Variants in GFRA2 observed in about 807,000 individuals in gnomAD.
The protein encoded by GFRA2 is GDNF family receptor alpha 2.
In GFRA2, 17 loss-of-function variants were observed where a neutral mutation model predicts 48.3. The ratio of observed to expected loss-of-function variants is 0.35; its 90% CI spans 0.24 to 0.53. The LOEUF (loss-of-function observed/expected upper bound fraction) is 0.53, where lower values mean the gene tolerates loss of function less well. Ranked by LOEUF, GFRA2 falls within the 20% of genes least tolerant of loss-of-function variation. GFRA2 has a pLI of 0.93. For synonymous variants in GFRA2, 305 were observed against 257.2 expected, an observed-to-expected ratio of 1.19 and a Z score of -1.78; for missense variants, 660 against 637.3, an observed-to-expected ratio of 1.04 and a Z score of -0.38.
intron 4 of GFRA2, among the ~76,000 whole-genome samples, chr8:21,717,395 G>T (rs1803385814): frequency 6.6e-6 from 1 of 152,162 alleles, no homozygotes; most frequent in Admixed American, 6.5e-5. Context: ...AAAAGCAGGA[G>T]ACAATAGAGT....
intron 7 of GFRA2, among the ~76,000 whole-genome samples, chr8:21,697,927 T>C (rs1211062974): frequency 2.0e-5 from 3 of 152,204 alleles, no homozygotes; most frequent in East Asian, 1.9e-4. Context: ...TCCCCGGCCA[T>C]GTGGAACTGT....
chr8:21,760,207 A>T (rs2117641095), intron 3 of GFRA2, among the ~76,000 whole-genome samples: 1 of 152,332 alleles, frequency 6.6e-6, no homozygotes, highest in Non-Finnish European at 1.5e-5. Context: ...TTCAGATTTT[A>T]TTCTAAAATG....
rs28552426 is a variant in GFRA2 at position 21,750,366 on chromosome 8, G to A, written c.794+222C>T. 6.6e-6 allele frequency among the ~76,000 whole-genome samples: 1 copy of A among 152,318 alleles called. No individual in the cohort carries two copies. Among genetic ancestry groups the A allele is most frequent in the Admixed American group, 6.5e-5 (1 of 15,308 alleles). ...ATAAACCTGTTCTGAGTGAATGAATGAACAAATGAATGAATAAAGAAGTAG... is the reference window on the plus strand; with the variant it reads ...ATAAACCTGTTCTGAGTGAATGAATAAACAAATGAATGAATAAAGAAGTAG... On this transcript the variant is annotated intron_variant, in intron 4 of 8. Transcript: ENST00000524240. This position sits in a 1 kb window ranked among gnomAD's most constrained non-coding sequence, Gnocchi z 5.7.
intron 3 of GFRA2, among the ~76,000 whole-genome samples, chr8:21,771,881 G>C (rs1336723017): frequency 3.3e-5 from 5 of 152,092 alleles, no homozygotes; most frequent in Admixed American, 3.3e-4. Context: ...AGTTGGGTGG[G>C]GAGGGGCTTC....
At chr8:21,694,837 G>A (rs1425593594) in intron 7 of GFRA2, among the ~76,000 whole-genome samples, 2 of 152,216 alleles carry the variant, frequency 1.3e-5, no homozygotes, top group Non-Finnish European at 1.5e-5. Context: ...CAGGGACCAT[G>A]TCTTCTTTTC....
At chr8:21,712,345 G>T (rs1161617707) in intron 4 of GFRA2, among the ~76,000 whole-genome samples, 5 of 152,006 alleles carry the variant, frequency 3.3e-5, no homozygotes, top group Non-Finnish European at 5.9e-5. Flanking sequence ...CGGCCGGGCA[G>T]AGGCGCTCCT....
At position 21,693,336 on chromosome 8, in the gene GFRA2, G is replaced by A; in HGVS notation, c.1337C>T (p.Ala446Val). 6.2e-7 allele frequency: 1 copy of A among 1,613,526 alleles called. No homozygotes were observed. The highest frequency in any genetic ancestry group is 1.1e-5 in the South Asian group (1 of 90,986). ...VIKPNSGPSR[A>V]RPSAALTVLS... is the part of the protein sequence containing the mutation. ...CACGGTCAAGGCAGCCGACGGTCTG[G>A]CTCTGCTGGGGCCTGAGTTAGGTTT... is the stretch of plus-strand genomic sequence containing the variant. Residue 446 changes from alanine to valine, a missense_variant, in exon 9 of 9, where the codon GCC becomes GTC. Physicochemically the swap from Ala to Val is moderately conservative, Grantham distance 64 (BLOSUM62 0). Coordinates refer to ENST00000524240, the MANE Select transcript of GFRA2 (RefSeq NM_001495.5).
chr8:21,803,496 T>C (rs1807807053), intron 2 of GFRA2, among the ~76,000 whole-genome samples: 1 of 152,300 alleles, frequency 6.6e-6, no homozygotes, highest in African/African-American at 2.4e-5. Flanking sequence ...AGCCAAGCAA[T>C]TCCTGGGCTA....
chr8:21,694,069 A>G (rs1802025789), intron 8 of GFRA2, among the ~76,000 whole-genome samples: 2 of 111,042 alleles, frequency 1.8e-5, no homozygotes, highest in African/African-American at 7.9e-5. Flanking sequence ...ATATATATTT[A>G]TTTATTTTTA....
chr8:21,734,062 G>T (rs1804333100), intron 4 of GFRA2, among the ~76,000 whole-genome samples: 1 of 152,160 alleles, frequency 6.6e-6, no homozygotes, highest in Non-Finnish European at 1.5e-5. Flanking sequence ...TGAACTGGGG[G>T]CCTCCACCGA....
chr8:21,737,105 G>A (rs1008226511), intron 4 of GFRA2, among the ~76,000 whole-genome samples: 1 of 152,218 alleles, frequency 6.6e-6, no homozygotes, highest in South Asian at 2.1e-4. Flanking sequence ...CTGAGAGTGG[G>A]GAACTCATTA....
intron 4 of GFRA2, among the ~76,000 whole-genome samples, chr8:21,733,604 G>T (rs1804306058): frequency 6.6e-6 from 1 of 152,176 alleles, no homozygotes; most frequent in Admixed American, 6.5e-5. Context: ...TAGGACCCGT[G>T]GCTGAGCCCG....
chr8:21,730,664 AAC>A (rs752767579), intron 4 of GFRA2, among the ~76,000 whole-genome samples: 1 of 152,084 alleles, frequency 6.6e-6, no homozygotes, highest in East Asian at 1.9e-4. Context: ...TACACTCAGA[AAC>A]ACACACAGTC....
intron 4 of GFRA2, among the ~76,000 whole-genome samples, chr8:21,723,556 C>A (rs1045165200): frequency 2.6e-5 from 4 of 152,168 alleles, no homozygotes; most frequent in African/African-American, 9.7e-5. Context: ...TGAACAGAAG[C>A]CTTGCCAGGC....
At chr8:21,769,251 C>T (rs1806327779) in intron 3 of GFRA2, 1 of 785,378 alleles carries the variant, frequency 1.3e-6, no homozygotes, top group African/African-American at 2.0e-5. Context: ...AGCCCCGCCC[C>T]AGCCCCGCCC....
chr8:21,703,349 C>T (rs983873191), intron 6 of GFRA2, among the ~76,000 whole-genome samples: 1 of 152,040 alleles, frequency 6.6e-6, no homozygotes, highest in Non-Finnish European at 1.5e-5. Flanking sequence ...AGCTCCTCAC[C>T]CCCAGCTCCC....
chr8:21,740,204 A>C (rs1265508545), intron 4 of GFRA2, among the ~76,000 whole-genome samples: 3 of 151,862 alleles, frequency 2.0e-5, no homozygotes, highest in African/African-American at 7.3e-5. Flanking sequence ...GCCTTCCTCG[A>C]CCTCACTCCA....
In GFRA2 at chr8:21,750,723, A is replaced by T; in HGVS notation, c.659T>A (p.Leu220His). Residue 220 changes from leucine to histidine, a missense_variant, in exon 4 of 9, where the codon CTC (leucine) becomes CAC (histidine). Leu to His is a moderately conservative substitution (Grantham distance 99). Transcript: ENST00000524240. This position sits in a 1 kb window ranked among gnomAD's most constrained non-coding sequence, Gnocchi z 5.7. Reference sequence around the variant, plus strand: ...CGCCTGGTCTTGGCAGGAGCAGAAGAGCATGCGGTAGGTGTACTCGCTGGG... The same window carrying T: ...CGCCTGGTCTTGGCAGGAGCAGAAGTGCATGCGGTAGGTGTACTCGCTGGG... ...RVPSEYTYRM[L>H]FCSCQDQACA... is the part of the protein sequence containing the mutation. 6.2e-7 allele frequency: 1 copy of T among 1,613,842 alleles called. No individual in the cohort carries two copies. Among genetic ancestry groups the T allele is most frequent in the Non-Finnish European group, 8.5e-7 (1 of 1,179,848 alleles).
At chr8:21,702,699 C>T in intron 7 of GFRA2, 106 bp downstream of exon 7, 1 of 1,171,226 alleles carries the variant, frequency 8.5e-7, no homozygotes, top group Non-Finnish European at 1.2e-6. Flanking sequence ...CTCTTGGGTC[C>T]CTGATCCAAA....
Sources: allele counts gnomAD v4.1 joint callset (sites outside exome capture counted in the v4.1 genomes callset), GRCh38; gene constraint gnomAD v4.1.1; non-coding constraint Gnocchi (gnomAD v3.1); transcripts MANE v1.5; gene names NCBI Gene and HGNC (gene_info 2026-07-23, HGNC 2026-07-21).